XRN2: variants seen among roughly 807,000 people sequenced by gnomAD.
The protein encoded by XRN2 is DHM1-like protein.
XRN2 carries 44 observed loss-of-function variants against 138.5 expected under a neutral mutation model. The observed-to-expected ratio is 0.32, with a 90% CI of 0.25 to 0.41. XRN2 has a LOEUF of 0.41. XRN2 is among the 10% of genes least tolerant of loss of function. The pLI, the probability that XRN2 is intolerant of heterozygous loss-of-function variation, is 1.00. For missense variants in XRN2, 937 were observed against 1,169.3 expected, an observed-to-expected ratio of 0.80 and a Z score of 2.90; for synonymous variants, 354 against 369.4, an observed-to-expected ratio of 0.96 and a Z score of 0.48.
Position 21,356,659 on chromosome 20 carries a change from C to T in XRN2, c.2192C>T (p.Pro731Leu), listed in dbSNP as rs1328514985. ...TCTTTGGATGAAGAAGCCATTCTTC[C>T]AGATCAGTAAGTTTCATTTTGTATA... is the stretch of plus-strand genomic sequence containing the variant. Reference protein sequence around the residue: ...KFSLDEEAILPDQIVCSPVPM... With the variant: ...KFSLDEEAILLDQIVCSPVPM... Residue 731 changes from proline (P) to leucine (L), a missense_variant, in exon 23 of 30, where the codon CCA becomes CTA. Coordinates refer to ENST00000377191, the MANE Select transcript of XRN2 (RefSeq NM_012255.5). The T allele has an allele frequency of 6.2e-7, 1 of 1,612,960 alleles. No individual in the cohort carries two copies.
intron 26 of XRN2, 78 bp downstream of exon 26, chr20:21,365,782 T>C (rs1046076242): frequency 9.1e-7 from 1 of 1,102,302 alleles, no homozygotes; most frequent in Non-Finnish European, 1.2e-6. Flanking sequence ...ATTTATGCCA[T>C]ATATATAAAT....
intron 19 of XRN2, among the ~76,000 whole-genome samples, chr20:21,349,141 G>T (rs931620123): frequency 6.6e-6 from 1 of 152,176 alleles, no homozygotes; most frequent in Non-Finnish European, 1.5e-5. Flanking sequence ...CTTTCTGCCT[G>T]TCTGAAGCCC....
intron 24 of XRN2, among the ~76,000 whole-genome samples, chr20:21,361,257 T>C (rs2038634006): frequency 6.6e-6 from 1 of 152,176 alleles, no homozygotes; most frequent in South Asian, 2.1e-4. Context: ...CATGCTTAGG[T>C]TTTAAATTTT....
chr20:21,344,675 A>G (rs1366617176), intron 16 of XRN2, among the ~76,000 whole-genome samples: 1 of 152,234 alleles, frequency 6.6e-6, no homozygotes, highest in Non-Finnish European at 1.5e-5. Context: ...TTAAGAGATC[A>G]ATATGTATGT....
chr20:21,353,808 A>C (rs1025891015), intron 20 of XRN2, among the ~76,000 whole-genome samples: 3 of 151,616 alleles, frequency 2.0e-5, no homozygotes, highest in African/African-American at 7.3e-5. Context: ...AAAAAAAAAA[A>C]AACAACTGTT....
rs117148640 is a variant in XRN2 at position 21,377,328 on chromosome 20, G to A, written c.2585-4666G>A. Among the ~76,000 whole-genome samples the A allele has an allele frequency of 9.3e-3, 1,211 of 130,190 alleles. 9 individuals carry two copies. Among genetic ancestry groups the A allele is most frequent in the Middle Eastern group, 0.029 (5 of 174 alleles). The allele number at this position is 130,190 out of a possible 152,430, so 85.4% of individuals were successfully genotyped here. A position where few individuals can be genotyped will look rare whatever the true frequency, so the allele number is the denominator to read the frequency against. On this transcript the variant is annotated intron_variant, in intron 27 of 29. Transcript: ENST00000377191. ...GCTGGAGTGCAGTGGCGCAATCTCA[G>A]CTCGCTATACCTCTGCCTTCCAGGT...
At chr20:21,387,733 G>C (rs1043942038) in intron 29 of XRN2, among the ~76,000 whole-genome samples, 3 of 152,178 alleles carry the variant, frequency 2.0e-5, no homozygotes, top group African/African-American at 7.2e-5. Context: ...CTGTGATTCA[G>C]AGTAATGTGT....
At position 21,344,012 on chromosome 20, in the gene XRN2, G is replaced by A. The variant is rs1047164560; in HGVS notation, c.1411-78G>A. On this transcript the variant is annotated intron_variant, in intron 15 of 29. Coordinates refer to ENST00000377191, the MANE Select transcript of XRN2 (RefSeq NM_012255.5). ...AAAATGTTACTGTGAAACATGGTAA[G>A]TAGTGGTGGTTGGATGTACCTTCTT... 23 of 996,934 alleles carry A rather than the reference G, an allele frequency of 2.3e-5. No individual in the cohort carries two copies. The African/African-American group carries it at 3.7e-4, about 16-fold the overall frequency. 61.8% of individuals were successfully genotyped at this position (996,934 alleles called of 1,614,324 possible).
At position 21,356,233 on chromosome 20, in the gene XRN2, A is replaced by C. The variant is rs1367065757; in HGVS notation, c.2118+56A>C. 2.2e-6 allele frequency: 3 copies of C among 1,352,978 alleles called. No individual in the cohort carries two copies. In the East Asian group the frequency reaches 7.0e-5, roughly 32 times the overall value. The allele number at this position is 1,352,978 out of a possible 1,614,324, so 83.8% of individuals were successfully genotyped here. ...GCACTTTTTAAAATTTTGGTAAAAT[A>C]TGCATAACATAAAATTTACCATTAT... On this transcript the variant is annotated intron_variant, in intron 22 of 29. Transcript: ENST00000377191.
intron 1 of XRN2, among the ~76,000 whole-genome samples, chr20:21,314,152 T>C (rs970331372): frequency 6.6e-6 from 1 of 152,242 alleles, no homozygotes; most frequent in Non-Finnish European, 1.5e-5. Flanking sequence ...AGATTTTTCC[T>C]AGTCTGGACT....
Position 21,356,615 on chromosome 20 carries a change from T to C in XRN2, c.2148T>C (p.His716=). ...EPVEVPPELC[H]GIQGKFSLDE... is the part of the protein sequence containing the mutation. ...TGGAGGTACCCCCTGAACTATGTCA[T>C]GGGATTCAAGGAAAGTTTTCTTTGG... is the stretch of plus-strand genomic sequence containing the variant. The change falls in exon 23 of 30, where the codon CAT becomes CAC. Residue 716 remains histidine (H), a synonymous_variant. Coordinates refer to ENST00000377191, the MANE Select transcript of XRN2 (RefSeq NM_012255.5). The C allele has an allele frequency of 6.2e-7, 1 of 1,613,732 alleles. No individual in the cohort carries two copies. The highest frequency in any genetic ancestry group is 8.5e-7 in the Non-Finnish European group (1 of 1,179,744).
At chr20:21,362,482 A>C (rs1452024221) in intron 24 of XRN2, among the ~76,000 whole-genome samples, 1 of 151,994 alleles carries the variant, frequency 6.6e-6, no homozygotes, top group Non-Finnish European at 1.5e-5. Flanking sequence ...TTACTTTCCC[A>C]ACGTTCCCAT....
At chr20:21,362,399 G>A (rs996285672) in intron 24 of XRN2, among the ~76,000 whole-genome samples, 1 of 151,980 alleles carries the variant, frequency 6.6e-6, no homozygotes, top group Admixed American at 6.6e-5. Flanking sequence ...TTAGTTTCAG[G>A]TCTTTCTGTG....
At chr20:21,338,213 A>G (rs1012563484) in intron 13 of XRN2, among the ~76,000 whole-genome samples, 5 of 152,178 alleles carry the variant, frequency 3.3e-5, no homozygotes, top group Admixed American at 2.6e-4. Context: ...AGGCTACAAC[A>G]GTAGCTATGG....
At chr20:21,376,148 A>AT (rs1410255603) in intron 27 of XRN2, among the ~76,000 whole-genome samples, 2 of 151,378 alleles carry the variant, frequency 1.3e-5, no homozygotes, top group South Asian at 4.3e-4. Flanking sequence ...ACCAGGTGTT[A>AT]TTTTTTAAAA....
At chr20:21,385,591 C>T (rs1228465694) in intron 28 of XRN2, among the ~76,000 whole-genome samples, 1 of 152,132 alleles carries the variant, frequency 6.6e-6, no homozygotes, top group African/African-American at 2.4e-5. Flanking sequence ...AAAACTTTAG[C>T]CTTTCTAGAG....
rs560494949 is a variant in XRN2 at position 21,325,588 on chromosome 20, C to T, written c.76-691C>T. Among the ~76,000 whole-genome samples, 18 of 152,140 alleles carry T rather than the reference C, an allele frequency of 1.2e-4. No homozygotes were observed. The South Asian group carries it at 3.7e-3, about 32-fold the overall frequency. ...GTTGACAAGGGAGGAAGAAGGTGTTCTGAAAGAAGCATCATGTGACGGCAT... is the reference window on the plus strand; with the variant it reads ...GTTGACAAGGGAGGAAGAAGGTGTTTTGAAAGAAGCATCATGTGACGGCAT... On this transcript the variant is annotated intron_variant, in intron 1 of 29. Coordinates refer to ENST00000377191, the MANE Select transcript of XRN2 (RefSeq NM_012255.5).
intron 1 of XRN2, among the ~76,000 whole-genome samples, 177 bp from the exon 2 acceptor site, chr20:21,326,101 CA>C (rs547166916): frequency 6.6e-6 from 1 of 152,178 alleles, no homozygotes; most frequent in Non-Finnish European, 1.5e-5. Context: ...CCACTTTCTA[CA>C]GATAAAATAT....
intron 1 of XRN2, 30 bp from the exon 2 acceptor site, chr20:21,326,248 CA>C (rs753353121): frequency 6.2e-7 from 1 of 1,602,278 alleles, no homozygotes; most frequent in South Asian, 1.1e-5. Context: ...CTTGAACAAT[CA>C]AACTACTATT....
Sources: gnomAD v4.1 joint callset for allele counts (sites outside exome capture counted in the v4.1 genomes callset) on GRCh38, gnomAD v4.1.1 for gene constraint, MANE v1.5 for transcripts, NCBI Gene and HGNC (gene_info 2026-07-23, HGNC 2026-07-21) for gene names.